The following RBFOX1 variants were observed in gnomAD, a reference collection of about 807,000 sequenced individuals.
RBFOX1 encodes the protein RNA binding fox-1 homolog 1.
In RBFOX1, 8 loss-of-function variants were observed where a neutral mutation model predicts 57.7. That is an observed-to-expected ratio of 0.14 (90% CI 0.08 to 0.25). The LOEUF (loss-of-function observed/expected upper bound fraction) is 0.25, where lower values mean the gene tolerates loss of function less well. RBFOX1 is among the 10% of genes least tolerant of loss of function. RBFOX1 has a pLI of 1.00. For missense variants in RBFOX1, 611 were observed against 548.5 expected (o/e 1.11, Z -1.14); for synonymous variants, 326 against 222.4 (o/e 1.47, Z -4.15).
At chr16:7,597,702 A>G (rs73488670) in intron 9 of RBFOX1, among the ~76,000 whole-genome samples, 2,830 of 152,318 alleles carry the variant, frequency 0.019, 54 homozygotes, top group South Asian at 0.1. Context: ...TTTGGAAATT[A>G]GTTTGCTAAT....
chr16:5,279,340 C>G (rs1179588865), intron 1 of RBFOX1, among the ~76,000 whole-genome samples: 1 of 151,124 alleles, frequency 6.6e-6, no homozygotes, highest in Non-Finnish European at 1.5e-5. Context: ...TAAGTTTATT[C>G]CTAGGTATTT....
chr16:6,052,832 A>ATAATAT (rs1324206159), intron 1 of RBFOX1, among the ~76,000 whole-genome samples: 51 of 137,472 alleles, frequency 3.7e-4, no homozygotes, highest in African/African-American at 1.1e-3. Context: ...AATAATAATA[A>ATAATAT]TAATATTAAT....
intron 3 of RBFOX1, among the ~76,000 whole-genome samples, chr16:6,835,567 C>A (rs745887930): frequency 6.6e-6 from 1 of 151,702 alleles, no homozygotes; most frequent in Non-Finnish European, 1.5e-5. Flanking sequence ...GCCTGGTCAA[C>A]ATGGTAAAAC....
chr16:6,917,426 T>G (rs973553269), intron 3 of RBFOX1, among the ~76,000 whole-genome samples: 1 of 152,210 alleles, frequency 6.6e-6, no homozygotes, highest in Non-Finnish European at 1.5e-5. Context: ...TACAAGTGCT[T>G]TTGTCCTTGA....
At chr16:6,313,263 G>A (rs146471184) in intron 1 of RBFOX1, among the ~76,000 whole-genome samples, 2 of 152,136 alleles carry the variant, frequency 1.3e-5, no homozygotes, top group Non-Finnish European at 2.9e-5. Flanking sequence ...TCAGGAGTAA[G>A]GTAGGTTTGG....
chr16:7,047,469 T>C (rs1372329175), intron 3 of RBFOX1, among the ~76,000 whole-genome samples: 1 of 152,166 alleles, frequency 6.6e-6, no homozygotes, highest in African/African-American at 2.4e-5. Context: ...TGTTTGTCTC[T>C]GGTTGTTTTC....
rs564854332 is a variant in RBFOX1 at position 5,240,882 on chromosome 16, C to T, written c.219+777C>T. Among the ~76,000 whole-genome samples the T allele has an allele frequency of 5.9e-5, 9 of 152,282 alleles. No individual in the cohort carries two copies. The East Asian group carries it at 9.7e-4, about 16-fold the overall frequency. ...CTTCCTGTGTGGCTTTGCTGGCCTT[C>T]CACTGGGGAGGCACGCGGGTTTGGA... On this transcript the variant is annotated intron_variant, in intron 1 of 2. Coordinates refer to the RBFOX1 transcript ENST00000585867.
At chr16:6,574,918 G>C (rs11640416) in intron 2 of RBFOX1, among the ~76,000 whole-genome samples, 147,665 of 151,206 alleles carry the variant, frequency 0.98, 72,190 homozygotes, top group East Asian at 1. Context: ...GGCGCCTGTA[G>C]TCCCAGCTAC....
At chr16:6,129,780 G>A (rs998425542) in intron 1 of RBFOX1, among the ~76,000 whole-genome samples, 2 of 142,986 alleles carry the variant, frequency 1.4e-5, no homozygotes, top group Middle Eastern at 3.8e-3. Context: ...ATTGAAAACA[G>A]CCAGTGAAAA....
intron 2 of RBFOX1, among the ~76,000 whole-genome samples, chr16:5,573,528 G>A (rs111832485): frequency 0.014 from 2,139 of 152,272 alleles, 29 homozygotes; most frequent in South Asian, 0.034. Flanking sequence ...ACTTTGAGAG[G>A]TTCAGCTCCA....
intron 3 of RBFOX1, among the ~76,000 whole-genome samples, chr16:6,930,361 C>G (rs113993871): frequency 0.12 from 18,856 of 152,084 alleles, 1,356 homozygotes; most frequent in Middle Eastern, 0.22. Flanking sequence ...AAATGCAAAT[C>G]AAAGTCACAA....
At chr16:5,819,680 G>A (rs1034670670) in intron 3 of RBFOX1, among the ~76,000 whole-genome samples, 5 of 152,198 alleles carry the variant, frequency 3.3e-5, no homozygotes, top group Admixed American at 3.3e-4. Flanking sequence ...TATCTATGCT[G>A]CTCCCACTGC....
intron 3 of RBFOX1, among the ~76,000 whole-genome samples, chr16:5,792,067 G>A (rs1296142382): frequency 6.6e-6 from 1 of 152,192 alleles, no homozygotes; most frequent in Non-Finnish European, 1.5e-5. Context: ...TATAAAGCAA[G>A]CAAATTGGAT....
intron 1 of RBFOX1, among the ~76,000 whole-genome samples, chr16:6,293,876 C>A (rs1239061162): frequency 9.8e-6 from 1 of 101,604 alleles, no homozygotes; most frequent in Non-Finnish European, 2.0e-5. Context: ...TTTACACCAT[C>A]TCAGAATTCC....
chr16:6,935,089 C>CG (rs2077152311), intron 3 of RBFOX1, among the ~76,000 whole-genome samples: 1 of 150,408 alleles, frequency 6.6e-6, no homozygotes, highest in African/African-American at 2.5e-5. Flanking sequence ...ACCCCCATCT[C>CG]GGAAAAAAAA....
chr16:6,417,707 T>TTAAA (rs1555463886), intron 2 of RBFOX1, among the ~76,000 whole-genome samples: 5 of 146,556 alleles, frequency 3.4e-5, no homozygotes, highest in African/African-American at 1.3e-4. Flanking sequence ...CCTTTCTTTT[T>TTAAA]AAAAAAAAAA....
chr16:7,173,645 G>A (rs1269949925), intron 4 of RBFOX1, among the ~76,000 whole-genome samples: 1 of 152,096 alleles, frequency 6.6e-6, no homozygotes, highest in African/African-American at 2.4e-5. Flanking sequence ...AAGATATTAG[G>A]AGGTGGTAAT....
chr16:7,026,101 C>G (rs988898692), intron 3 of RBFOX1, among the ~76,000 whole-genome samples: 1 of 152,148 alleles, frequency 6.6e-6, no homozygotes, highest in Non-Finnish European at 1.5e-5. Context: ...GTGGGCAGGA[C>G]TATGGTCACA....
At chr16:6,450,079 T>A (rs1218631941) in intron 2 of RBFOX1, among the ~76,000 whole-genome samples, 1 of 152,166 alleles carries the variant, frequency 6.6e-6, no homozygotes, top group Non-Finnish European at 1.5e-5. Context: ...GCATGCCTTT[T>A]GTGCCTCTTT....
Sources: gnomAD v4.1 joint callset for allele counts (sites outside exome capture counted in the v4.1 genomes callset) on GRCh38, gnomAD v4.1.1 for gene constraint, MANE v1.5 for transcripts, NCBI Gene and HGNC (gene_info 2026-07-23, HGNC 2026-07-21) for gene names.